ARHGAP40: variants seen among roughly 807,000 people sequenced by gnomAD.
ARHGAP40 encodes Rho GTPase activating protein 40.
Under a neutral mutation model 73.5 loss-of-function variants are expected in ARHGAP40, and 43 were observed. The observed-to-expected ratio is 0.58, with a 90% CI of 0.46 to 0.75. The LOEUF is 0.75. Among genes scored for constraint, ARHGAP40 ranks in the 30% least tolerant of loss-of-function variants. ARHGAP40 has a pLI of 0.00. For missense variants in ARHGAP40, 734 were observed against 861.8 expected (o/e 0.85, Z 1.86); for synonymous variants, 300 against 352.8 (o/e 0.85, Z 1.68).
At chr20:38,615,463 T>C in intron 1 of ARHGAP40, 1 of 694,272 alleles carries the variant, frequency 1.4e-6, no homozygotes, top group Admixed American at 2.0e-5. Context: ...GAACTCGACC[T>C]CGGCCACGTC....
chr20:38,615,698 G>A (rs551427844), intron 1 of ARHGAP40, among the ~76,000 whole-genome samples: 16 of 152,272 alleles, frequency 1.1e-4, no homozygotes, highest in Admixed American at 5.2e-4. Context: ...AGCCAGTGGC[G>A]TGTGCACCTG....
chr20:38,617,993 G>T (rs1466642139), intron 1 of ARHGAP40, among the ~76,000 whole-genome samples: 1 of 152,140 alleles, frequency 6.6e-6, no homozygotes, highest in Non-Finnish European at 1.5e-5. Context: ...AAATGAGGAA[G>T]CTAAGGTCCA....
At chr20:38,615,214 T>C (rs981620281) in intron 1 of ARHGAP40, 3 of 780,916 alleles carry the variant, frequency 3.8e-6, no homozygotes, top group East Asian at 2.4e-5. Flanking sequence ...CTGGTGGGCA[T>C]TGAGGTAAAA....
chr20:38,644,179 A>C (rs973558696), intron 11 of ARHGAP40, among the ~76,000 whole-genome samples: 4 of 152,138 alleles, frequency 2.6e-5, no homozygotes, highest in Non-Finnish European at 4.4e-5. Flanking sequence ...CAACTCCTGC[A>C]AATAATTCCT....
chr20:38,639,505 A>T (rs1018555774), intron 9 of ARHGAP40, 119 bp downstream of exon 9: 50 of 1,140,256 alleles, frequency 4.4e-5, no homozygotes, highest in Non-Finnish European at 5.4e-5. Flanking sequence ...CTGTTCCAGA[A>T]ATGTCCAACT....
At chr20:38,649,162 C>A (rs966658014) in intron 14 of ARHGAP40, among the ~76,000 whole-genome samples, 4 of 152,186 alleles carry the variant, frequency 2.6e-5, no homozygotes, top group Non-Finnish European at 5.9e-5. Context: ...TAATGATCCT[C>A]AGACTTTACC....
intron 9 of ARHGAP40, among the ~76,000 whole-genome samples, chr20:38,640,682 A>T (rs984478577): frequency 6.7e-6 from 1 of 150,124 alleles, no homozygotes; most frequent in African/African-American, 2.5e-5. Context: ...CTCCTTCCCC[A>T]CTGTCTGGCC....
At chr20:38,617,882 C>T (rs977135965) in intron 1 of ARHGAP40, among the ~76,000 whole-genome samples, 1 of 152,174 alleles carries the variant, frequency 6.6e-6, no homozygotes, top group Non-Finnish European at 1.5e-5. Flanking sequence ...TATTAGCTTC[C>T]TAGTAACTGG....
At chr20:38,638,943 T>C in intron 8 of ARHGAP40, 105 bp downstream of exon 8, 1 of 1,088,336 alleles carries the variant, frequency 9.2e-7, no homozygotes, top group Non-Finnish European at 1.3e-6. Flanking sequence ...GTGATCTGTC[T>C]TTGGTCTCTG....
exon 15 of ARHGAP40, chr20:38,650,185 C>G: frequency 2.1e-5 from 8 of 376,386 alleles, no homozygotes; most frequent in South Asian, 1.6e-4. Flanking sequence ...CACCCTCCAG[C>G]CCTCCAGAGA....
intron 2 of ARHGAP40, among the ~76,000 whole-genome samples, chr20:38,626,713 G>A (rs2088900224): frequency 6.6e-6 from 1 of 152,178 alleles, no homozygotes; most frequent in Non-Finnish European, 1.5e-5. Context: ...TGAACATGCA[G>A]GGCCCTTCAC....
At chr20:38,615,132 A>G in intron 1 of ARHGAP40, 2 of 965,866 alleles carry the variant, frequency 2.1e-6, no homozygotes, top group South Asian at 1.3e-5. Flanking sequence ...CAGGGTCCGG[A>G]TTTCGTCTGC....
chr20:38,643,143 C>CT (rs2089029155), intron 10 of ARHGAP40, among the ~76,000 whole-genome samples: 1 of 102,230 alleles, frequency 9.8e-6, no homozygotes, highest in South Asian at 3.4e-4. Context: ...GAGACTCTGA[C>CT]TCAAAAAAAA....
chr20:38,645,619 C>T, intron 11 of ARHGAP40, among the ~76,000 whole-genome samples: 1 of 152,112 alleles, frequency 6.6e-6, no homozygotes, highest in South Asian at 2.1e-4. Flanking sequence ...GGGTTCGGAT[C>T]CCACAGAGAG....
At chr20:38,620,557 C>T (rs939855820) in intron 1 of ARHGAP40, among the ~76,000 whole-genome samples, 3 of 152,210 alleles carry the variant, frequency 2.0e-5, no homozygotes, top group African/African-American at 4.8e-5. Context: ...AATTTCAAAG[C>T]GAATCGCAAA....
intron 7 of ARHGAP40, 48 bp from the exon 8 acceptor site, chr20:38,638,712 CT>C: frequency 7.9e-7 from 1 of 1,268,106 alleles, no homozygotes; most frequent in Non-Finnish European, 1.0e-6. Context: ...ATTTTGAATC[CT>C]GCTTTTCAGC....
At chr20:38,605,531 T>C (rs149249337) in intron 1 of ARHGAP40, among the ~76,000 whole-genome samples, 2 of 152,328 alleles carry the variant, frequency 1.3e-5, no homozygotes, top group East Asian at 3.9e-4. Flanking sequence ...AAAGACCCAG[T>C]TGGAGTGAGG....
chr20:38,619,122 A>G (rs112571738), intron 1 of ARHGAP40, among the ~76,000 whole-genome samples: 8,668 of 152,252 alleles, frequency 0.057, 820 homozygotes, highest in African/African-American at 0.2. Context: ...TGAGGAAGTG[A>G]CTTTAAGTCT....
chr20:38,602,449 T>A (rs2088740975), intron 1 of ARHGAP40, among the ~76,000 whole-genome samples: 1 of 152,202 alleles, frequency 6.6e-6, no homozygotes, highest in African/African-American at 2.4e-5. Context: ...CAGGAGTCTC[T>A]GGGTCAAGTT....
Sources: gnomAD v4.1 joint callset for allele counts (sites outside exome capture counted in the v4.1 genomes callset) on GRCh38, gnomAD v4.1.1 for gene constraint, MANE v1.5 for transcripts, NCBI Gene and HGNC (gene_info 2026-07-23, HGNC 2026-07-21) for gene names.